Variants in ARPP21 observed in about 807,000 individuals in gnomAD.
The protein encoded by ARPP21 is cAMP-regulated phosphoprotein 21.
Under a neutral mutation model 113.2 loss-of-function variants are expected in ARPP21, and 69 were observed. The ratio of observed to expected loss-of-function variants is 0.61; its 90% confidence interval spans 0.50 to 0.74. The LOEUF (loss-of-function observed/expected upper bound fraction) is 0.74, where lower values mean the gene tolerates loss of function less well. Ranked by LOEUF, ARPP21 falls within the 30% of genes least tolerant of loss-of-function variation. The probability of loss-of-function intolerance (pLI) is 0.00; values close to 1 mark genes in which losing one functional copy is unlikely to be tolerated. For synonymous variants in ARPP21, 368 were observed against 375.5 expected (o/e 0.98, Z 0.23); for missense variants, 1,070 against 1,037.4 (o/e 1.03, Z -0.43).
intron 1 of ARPP21, among the ~76,000 whole-genome samples, chr3:35,665,555 C>G (rs1216384250): frequency 6.6e-6 from 1 of 152,132 alleles, no homozygotes; most frequent in Admixed American, 6.5e-5. Flanking sequence ...GACTTTAACA[C>G]TGAGTTGTTT....
rs746971329 is a variant in ARPP21, at chr3:35,687,880, A to G, written c.403A>G (p.Lys135Glu). 1.9e-6 allele frequency: 3 copies of G among 1,582,148 alleles called. No homozygotes were observed. Among genetic ancestry groups the G allele is most frequent in the South Asian group, 2.3e-5 (2 of 85,142 alleles). The change falls in exon 6 of 21, where the codon AAA becomes GAA. Residue 135 changes from lysine (K) to glutamate (E), a missense_variant. Lys to Glu is a moderately conservative substitution (Grantham distance 56, BLOSUM62 1). Transcript: ENST00000684406. ...AAAACCCAAGATCAGAATGTTATCA[A>G]AAGGTGAATGTGAAAATATTTCCTT... is the stretch of plus-strand genomic sequence containing the variant. ...SEKPKIRMLS[K>E]DCSQEYTDST...
intron 1 of ARPP21, among the ~76,000 whole-genome samples, chr3:35,659,832 G>A (rs903659765): frequency 8.5e-5 from 13 of 152,192 alleles, no homozygotes; most frequent in African/African-American, 3.1e-4. Flanking sequence ...GACTGATGGA[G>A]GGGCTTCCTG....
At position 35,787,776 on chromosome 3, in the gene ARPP21, A is replaced by G. The variant is rs1162388493; in HGVS notation, c.2138-4606A>G. On this transcript the variant is annotated intron_variant, in intron 19 of 20. Transcript: ENST00000684406. ...GCAGTCATTGAATACTTGCCACATA[A>G]AAGGGATGATGTGAGGGCTATGAGA... Among the ~76,000 whole-genome samples the G allele has an allele frequency of 4.6e-5, 7 of 152,348 alleles. No individual in the cohort carries two copies. The East Asian group carries it at 1.4e-3, about 29-fold the overall frequency.
intron 15 of ARPP21, among the ~76,000 whole-genome samples, chr3:35,736,202 C>A (rs953549543): frequency 1.3e-5 from 2 of 152,098 alleles, no homozygotes; most frequent in African/African-American, 4.8e-5. Flanking sequence ...TATACCTCTG[C>A]AGGTTGTTAG....
chr3:35,765,058 T>C (rs1370569726), intron 19 of ARPP21, among the ~76,000 whole-genome samples: 1 of 152,172 alleles, frequency 6.6e-6, no homozygotes, highest in Non-Finnish European at 1.5e-5. Flanking sequence ...AGGAAAATTC[T>C]ACTTAGGTTA....
chr3:35,753,768 G>A (rs1415788777), intron 19 of ARPP21, among the ~76,000 whole-genome samples: 1 of 152,034 alleles, frequency 6.6e-6, no homozygotes, highest in East Asian at 1.9e-4. Context: ...ATAGCGAGCT[G>A]TTAGTATTAA....
chr3:35,684,642 A>G, intron 5 of ARPP21: 1 of 985,380 alleles, frequency 1.0e-6, no homozygotes, highest in Middle Eastern at 5.2e-4. Flanking sequence ...GGGAAAATTG[A>G]TTAAGATATC....
intron 1 of ARPP21, among the ~76,000 whole-genome samples, chr3:35,667,933 A>AG (rs2075002692): frequency 1.5e-5 from 2 of 136,004 alleles, no homozygotes; most frequent in African/African-American, 5.9e-5. Flanking sequence ...GAGGAGGAGG[A>AG]GAAGGAGAAG....
intron 5 of ARPP21, among the ~76,000 whole-genome samples, chr3:35,686,209 C>G (rs1003885799): frequency 5.3e-5 from 8 of 151,644 alleles, no homozygotes; most frequent in African/African-American, 1.9e-4. Flanking sequence ...TCTTCTGGAC[C>G]AGAAATGTCC....
intron 16 of ARPP21, among the ~76,000 whole-genome samples, chr3:35,737,641 G>A (rs778241057): frequency 2.6e-5 from 4 of 152,080 alleles, no homozygotes; most frequent in East Asian, 1.9e-4. Context: ...TTTTTTAAAT[G>A]TATGGAGGAG....
At chr3:35,683,045 A>G (rs1399321229) in intron 4 of ARPP21, among the ~76,000 whole-genome samples, 156 bp downstream of exon 4, 5 of 151,728 alleles carry the variant, frequency 3.3e-5, no homozygotes, top group Admixed American at 3.3e-4. Flanking sequence ...TGATGGGGTT[A>G]TGTTTATGCA....
intron 12 of ARPP21, chr3:35,715,703 T>C: frequency 2.9e-6 from 1 of 350,388 alleles, no homozygotes; most frequent in Non-Finnish European, 5.2e-6. Flanking sequence ...TGTAAAACTT[T>C]TTCTTATTTA....
At chr3:35,784,316 A>G (rs2096586343) in intron 19 of ARPP21, among the ~76,000 whole-genome samples, 1 of 152,196 alleles carries the variant, frequency 6.6e-6, no homozygotes, top group Non-Finnish European at 1.5e-5. Flanking sequence ...ATGTTTAAAA[A>G]CCAGGAATCT....
intron 2 of ARPP21, 185 bp from the exon 3 acceptor site, chr3:35,681,529 G>A (rs2078925863): frequency 2.0e-6 from 1 of 507,884 alleles, no homozygotes; most frequent in Non-Finnish European, 3.6e-6. Flanking sequence ...GGTGTGGATG[G>A]GACAACTGCA....
chr3:35,701,504 C>T (rs1334979620), intron 9 of ARPP21, among the ~76,000 whole-genome samples: 1 of 151,700 alleles, frequency 6.6e-6, no homozygotes, highest in Non-Finnish European at 1.5e-5. Flanking sequence ...CAAGCTCACG[C>T]ACCTAGTATA....
chr3:35,743,886 G>A lies in ARPP21; in HGVS notation c.2058G>A (p.Thr686=), dbSNP rs1254461715. The change falls in exon 19 of 21, where the codon ACG becomes ACA. Residue 686 remains threonine (T), a synonymous_variant. Transcript: ENST00000684406. Reference sequence around the variant, plus strand: ...CTGGTCAGTACCCTACCTCAACCACGCAACAGTACCGGCCCATGGCCCCGG... The same window carrying A: ...CTGGTCAGTACCCTACCTCAACCACACAACAGTACCGGCCCATGGCCCCGG... ...YPSGQYPTST[T]QQYRPMAPVQ... 11 of 1,613,864 alleles carry A rather than the reference G, an allele frequency of 6.8e-6. No homozygotes were observed. Among genetic ancestry groups the A allele is most frequent in the South Asian group, 3.3e-5 (3 of 91,086 alleles).
At chr3:35,739,756 G>T (rs1235847405) in intron 18 of ARPP21, among the ~76,000 whole-genome samples, 179 bp downstream of exon 18, 1 of 152,180 alleles carries the variant, frequency 6.6e-6, no homozygotes, top group Admixed American at 6.5e-5. Flanking sequence ...AAGTTATAGG[G>T]CTCAGAAAGT....
At chr3:35,738,348 C>G (rs1347949054) in intron 17 of ARPP21, 30 bp downstream of exon 17, 1 of 1,484,788 alleles carries the variant, frequency 6.7e-7, no homozygotes, top group Non-Finnish European at 9.1e-7. Flanking sequence ...TGACTTTTTC[C>G]CCTAGGAAAG....
intron 1 of ARPP21, among the ~76,000 whole-genome samples, chr3:35,657,061 A>C (rs905277920): frequency 6.6e-5 from 10 of 152,028 alleles, no homozygotes; most frequent in African/African-American, 2.2e-4. Context: ...CATAGTCCTT[A>C]ACTGTGTTAC....
Sources: allele counts gnomAD v4.1 joint callset (sites outside exome capture counted in the v4.1 genomes callset), GRCh38; gene constraint gnomAD v4.1.1; transcripts MANE v1.5; gene names NCBI Gene and HGNC (gene_info 2026-07-23, HGNC 2026-07-21).